Variants in TMEM143 observed in about 807,000 individuals in gnomAD.
TMEM143 encodes the protein transmembrane protein 143.
Under a neutral mutation model 40.3 loss-of-function variants are expected in TMEM143, and 45 were observed. That is an observed-to-expected ratio of 1.12 (90% CI 0.88 to 1.43). The LOEUF (loss-of-function observed/expected upper bound fraction) is 1.43, where lower values mean the gene tolerates loss of function less well. TMEM143 is among the 40% of genes most tolerant of loss of function. The probability of loss-of-function intolerance (pLI) is 0.00; values close to 1 mark genes in which losing one functional copy is unlikely to be tolerated. For missense variants in TMEM143, 620 were observed against 613.4 expected (o/e 1.01, Z -0.11); for synonymous variants, 299 against 282.7 (o/e 1.06, Z -0.58).
intron 1 of TMEM143, 122 bp downstream of exon 1, chr19:48,363,776 A>G: frequency 2.6e-6 from 4 of 1,531,628 alleles, no homozygotes; most frequent in East Asian, 2.3e-5. Flanking sequence ...TAGTGGTACA[A>G]CGTTTCTTTG....
intron 6 of TMEM143, among the ~76,000 whole-genome samples, chr19:48,337,569 AC>A (rs1969399808): frequency 1.4e-5 from 2 of 144,808 alleles, no homozygotes; most frequent in East Asian, 4.0e-4. Flanking sequence ...AAAAAAAAAA[AC>A]ATTGGGACAA....
chr19:48,345,337 G>A lies in TMEM143; in HGVS notation c.387C>T (p.Ile129=), dbSNP rs755895113. The change falls in exon 4 of 8, where the codon ATC becomes ATT. Residue 129 remains isoleucine (I), a synonymous_variant. Transcript: ENST00000293261. ...LARLQALYDP[I]NPDRETLDQP... is the part of the protein sequence containing the mutation. ...GATCGAGGGTCTCCCTGTCAGGGTT[G>A]ATGGGGTCATATAAGGCCTAAGAGG... 2.5e-6 allele frequency: 4 copies of A among 1,574,732 alleles called. No individual in the cohort carries two copies. In the East Asian group the frequency reaches 9.0e-5, roughly 36 times the overall value.
intron 3 of TMEM143, among the ~76,000 whole-genome samples, chr19:48,356,856 A>G (rs538712089): frequency 2.9e-5 from 4 of 138,946 alleles, no homozygotes; most frequent in Non-Finnish European, 6.1e-5. Flanking sequence ...GGCCTCCCAA[A>G]GTGCTGGGAT....
In TMEM143 at chr19:48,343,462, G is replaced by T; in HGVS notation, c.565-11C>A. 1 of 1,569,442 alleles carries T rather than the reference G, an allele frequency of 6.4e-7. No individual in the cohort carries two copies. The highest frequency in any genetic ancestry group is 8.6e-7 in the Non-Finnish European group (1 of 1,156,278). On this transcript the variant is annotated splice_polypyrimidine_tract_variant and intron_variant, in intron 4 of 7. Transcript: ENST00000293261. ...CAAATTTACTGTCACCTGCCGGGGG[G>T]ATGAAGGAAGCAGTGGCGGGTGAAC...
At chr19:48,343,741 C>T (rs982905154) in intron 4 of TMEM143, among the ~76,000 whole-genome samples, 5 of 152,142 alleles carry the variant, frequency 3.3e-5, no homozygotes, top group African/African-American at 9.7e-5. Flanking sequence ...AAACAAAATA[C>T]GTTGCCAATT....
intron 3 of TMEM143, among the ~76,000 whole-genome samples, chr19:48,347,253 T>C (rs1445463423): frequency 2.0e-5 from 3 of 152,188 alleles, no homozygotes; most frequent in African/African-American, 7.2e-5. Context: ...ATGTGTCTCT[T>C]GGGAGCAGGG....
In TMEM143 at chr19:48,345,349, T is replaced by C; in HGVS notation, c.375A>G (p.Leu125=). Residue 125 remains leucine (L), a synonymous_variant, in exon 4 of 8, where the codon TTA becomes TTG. Transcript: ENST00000293261. The part of the protein sequence containing the change: ...YHQILARLQA[L]YDPINPDRET... ...CCCTGTCAGGGTTGATGGGGTCATA[T>C]AAGGCCTAAGAGGAGAGTCAGAGAG... The C allele has an allele frequency of 6.4e-7, 1 of 1,557,612 alleles. No homozygotes were observed. Among genetic ancestry groups the C allele is most frequent in the Non-Finnish European group, 8.7e-7 (1 of 1,154,696 alleles).
At position 48,340,513 on chromosome 19, in the gene TMEM143, C is replaced by A. The variant is rs376893168; in HGVS notation, c.975+2017G>T. 5.9e-5 allele frequency among the ~76,000 whole-genome samples: 9 copies of A among 152,086 alleles called. No homozygotes were observed. In the East Asian group the frequency reaches 7.7e-4, roughly 13 times the overall value. ...CTCCTGGGCTCAAGCGATCCTCCCA[C>A]CTTGGCCTCCTGAGTAGCTAGGACT... On this transcript the variant is annotated intron_variant, in intron 6 of 7. Transcript: ENST00000293261.
At chr19:48,342,884 C>T in intron 5 of TMEM143, 75 bp from the exon 6 acceptor site, 1 of 1,477,154 alleles carries the variant, frequency 6.8e-7, no homozygotes, top group Non-Finnish European at 9.1e-7. Context: ...TCCTAGGACG[C>T]TCACTCTGGC....
At chr19:48,352,461 G>A (rs1470434688) in intron 3 of TMEM143, among the ~76,000 whole-genome samples, 2 of 104,972 alleles carry the variant, frequency 1.9e-5, no homozygotes, top group African/African-American at 3.3e-5. Flanking sequence ...GTGCCACCAC[G>A]CACAGTTAAT....
chr19:48,352,261 A>AAAC (rs930196732), intron 3 of TMEM143, among the ~76,000 whole-genome samples: 3 of 143,806 alleles, frequency 2.1e-5, no homozygotes, highest in African/African-American at 8.3e-5. Context: ...AAAAAAAAAA[A>AAAC]ACACCATATC....
intron 6 of TMEM143, among the ~76,000 whole-genome samples, chr19:48,341,257 C>T (rs768917370): frequency 5.3e-5 from 8 of 152,328 alleles, no homozygotes; most frequent in Middle Eastern, 3.4e-3. Context: ...TTTTGGCAAG[C>T]GGAGCACAAG....
At chr19:48,338,454 C>T (rs903102047) in intron 6 of TMEM143, among the ~76,000 whole-genome samples, 2 of 152,348 alleles carry the variant, frequency 1.3e-5, no homozygotes. Context: ...GTGAATGCAG[C>T]GCATGCTGAA....
chr19:48,353,099 G>T (rs945710101), intron 3 of TMEM143, among the ~76,000 whole-genome samples: 16 of 151,956 alleles, frequency 1.1e-4, no homozygotes, highest in African/African-American at 3.9e-4. Flanking sequence ...ACAGTTGGTT[G>T]AATTCACAGA....
chr19:48,333,319 C>A lies in TMEM143; in HGVS notation c.1280G>T (p.Ser427Ile). 6.2e-7 allele frequency: 1 copy of A among 1,606,974 alleles called. No individual in the cohort carries two copies. The highest frequency in any genetic ancestry group is 8.5e-7 in the Non-Finnish European group (1 of 1,175,192). Residue 427 changes from serine (S) to isoleucine (I), a missense_variant, in exon 8 of 8, where the codon AGC becomes ATC. Transcript: ENST00000293261. This position sits in a 1 kb window ranked among gnomAD's most constrained non-coding sequence, Gnocchi z 4.1. ...ACCCGGGGGTGGGTACAATCCCATGCTGGGGGTCAGGGCCTGCAGATGCGC... is the reference window on the plus strand; with the variant it reads ...ACCCGGGGGTGGGTACAATCCCATGATGGGGGTCAGGGCCTGCAGATGCGC... ...ALAHLQALTP[S>I]MGLYPPPGFP... is the part of the protein sequence containing the mutation.
chr19:48,345,445 C>CATTT lies in TMEM143; in HGVS notation c.370-95_370-92dup, dbSNP rs146325765. 2.0e-3 allele frequency: 1,261 copies of CATTT among 641,398 alleles called. 8 individuals are homozygous for CATTT. Among genetic ancestry groups the CATTT allele is most frequent in the South Asian group, 3.1e-3 (53 of 17,078 alleles). 39.7% of individuals were successfully genotyped at this position (641,398 alleles called of 1,614,324 possible). A position where few individuals can be genotyped will look rare whatever the true frequency, so the allele number is the denominator to read the frequency against. The stretch of plus-strand genomic sequence containing the variant: ...AAGGACATCCCTCTCCAGATACTTT[C>CATTT]ATTTATTTATTTATTTATTTATTTA... On this transcript the variant is annotated intron_variant, in intron 3 of 7. Coordinates refer to ENST00000293261, the MANE Select transcript of TMEM143 (RefSeq NM_018273.4).
intron 6 of TMEM143, among the ~76,000 whole-genome samples, chr19:48,341,681 T>A (rs1201857396): frequency 6.6e-6 from 1 of 152,092 alleles, no homozygotes; most frequent in Non-Finnish European, 1.5e-5. Context: ...CATCCCTACT[T>A]TGCAGATTTT....
At chr19:48,355,539 T>C (rs1969869821) in intron 3 of TMEM143, among the ~76,000 whole-genome samples, 1 of 152,160 alleles carries the variant, frequency 6.6e-6, no homozygotes, top group South Asian at 2.1e-4. Flanking sequence ...CTCTCCGCAC[T>C]GCAGGAAGGA....
chr19:48,360,292 T>C (rs1600928556), intron 2 of TMEM143, 116 bp from the exon 3 acceptor site: 1 of 1,083,678 alleles, frequency 9.2e-7, no homozygotes. Context: ...GAAGTTTTGT[T>C]CTGGGGCTGG....
Sources: allele counts gnomAD v4.1 joint callset (sites outside exome capture counted in the v4.1 genomes callset), GRCh38; gene constraint gnomAD v4.1.1; non-coding constraint Gnocchi (gnomAD v3.1); transcripts MANE v1.5; gene names NCBI Gene and HGNC (gene_info 2026-07-23, HGNC 2026-07-21).